SEC22C: variants seen among roughly 807,000 people sequenced by gnomAD.
SEC22C encodes the protein SEC22 homolog C, vesicle trafficking protein, also known as vesicle-trafficking protein SEC22c.
Under a neutral mutation model 34.7 loss-of-function variants are expected in SEC22C, and 29 were observed. That is an observed-to-expected ratio of 0.84 (90% CI 0.62 to 1.14). The LOEUF (loss-of-function observed/expected upper bound fraction) is 1.14. SEC22C is among the 50% of genes most tolerant of loss of function. SEC22C has a pLI of 0.00. For missense variants in SEC22C, 337 were observed against 369.0 expected, an observed-to-expected ratio of 0.91 and a Z score of 0.71; for synonymous variants, 117 against 132.8, an observed-to-expected ratio of 0.88 and a Z score of 0.82.
upstream of SEC22C, among the ~76,000 whole-genome samples, chr3:42,585,854 T>C (rs1409272481): frequency 1.3e-5 from 2 of 152,146 alleles, no homozygotes; most frequent in Non-Finnish European, 2.9e-5. Context: ...TCAGCGCTCC[T>C]ATTTGCCAAG....
intron 1 of SEC22C, among the ~76,000 whole-genome samples, chr3:42,590,463 T>C (rs1704780807): frequency 6.6e-6 from 1 of 152,002 alleles, no homozygotes. Flanking sequence ...ACCCCGTCTC[T>C]ACTAATACAA....
chr3:42,590,353 C>T (rs746514809), intron 1 of SEC22C, among the ~76,000 whole-genome samples: 1 of 152,142 alleles, frequency 6.6e-6, no homozygotes, highest in Non-Finnish European at 1.5e-5. Context: ...GCAAACCGCT[C>T]CTGCAGATAG....
intron 1 of SEC22C, chr3:42,600,790 G>A (rs1705309608): frequency 7.8e-6 from 3 of 382,240 alleles, no homozygotes; most frequent in Admixed American, 9.4e-5. Context: ...TGAAGAGCTC[G>A]CCCGCATGCG....
intron 5 of SEC22C, among the ~76,000 whole-genome samples, chr3:42,556,398 T>C (rs774072973): frequency 2.0e-5 from 3 of 152,260 alleles, no homozygotes; most frequent in African/African-American, 7.2e-5. Flanking sequence ...CTTAACCATC[T>C]TGCTGGCCAG....
At position 42,577,312 on chromosome 3, in the gene SEC22C, A is replaced by C. The variant is rs571074117; in HGVS notation, c.-28+4534T>G. Among the ~76,000 whole-genome samples the C allele has an allele frequency of 7.2e-5, 11 of 152,286 alleles. 1 individual carries two copies. In the South Asian group the frequency reaches 2.1e-3, roughly 29 times the overall value. ...TGCTTCTCTAGGAAAGCCCATGTGA[A>C]GAGGATGAAAAGACAAGCTAGAAAT... On this transcript the variant is annotated intron_variant, in intron 1 of 6. Coordinates refer to ENST00000264454, the MANE Select transcript of SEC22C (RefSeq NM_032970.4).
At chr3:42,562,214 G>A (rs983122655) in intron 3 of SEC22C, among the ~76,000 whole-genome samples, 1 of 152,132 alleles carries the variant, frequency 6.6e-6, no homozygotes, top group Non-Finnish European at 1.5e-5. Context: ...ACTCAACAAT[G>A]AGCAAACATG....
chr3:42,564,079 T>C (rs1703090213), intron 2 of SEC22C: 3 of 496,680 alleles, frequency 6.0e-6, no homozygotes, highest in Non-Finnish European at 9.6e-6. Context: ...GGATCTAAGT[T>C]CCTACATATT....
chr3:42,556,847 C>T (rs1702559950), intron 5 of SEC22C, among the ~76,000 whole-genome samples: 1 of 152,148 alleles, frequency 6.6e-6, no homozygotes, highest in African/African-American at 2.4e-5. Flanking sequence ...CCTCAGCCTC[C>T]TGAGTAGCTG....
intron 4 of SEC22C, among the ~76,000 whole-genome samples, chr3:42,558,599 C>A (rs1054870316): frequency 6.6e-6 from 1 of 151,198 alleles, no homozygotes; most frequent in South Asian, 2.1e-4. Flanking sequence ...CCAGCCTGGG[C>A]AACATGGTGA....
chr3:42,578,539 T>TACACACACACACAC (rs66708395), intron 1 of SEC22C, among the ~76,000 whole-genome samples: 5 of 146,672 alleles, frequency 3.4e-5, no homozygotes, highest in African/African-American at 1.3e-4. Context: ...GTGACAGTAC[T>TACACACACACACAC]ACACACACAC....
chr3:42,591,722 A>G (rs1467869876), intron 1 of SEC22C: 1 of 727,112 alleles, frequency 1.4e-6, no homozygotes, highest in East Asian at 2.6e-5. Context: ...CTTTGAACTG[A>G]GGAAAGAGAG....
intron 1 of SEC22C, among the ~76,000 whole-genome samples, chr3:42,590,032 G>C (rs529096517): frequency 6.6e-6 from 1 of 152,228 alleles, no homozygotes; most frequent in Admixed American, 6.5e-5. Flanking sequence ...GGAACCTTGG[G>C]CAAGTTACTT....
intron 4 of SEC22C, 32 bp from the exon 5 acceptor site, chr3:42,557,728 G>C: frequency 8.9e-7 from 1 of 1,126,278 alleles, no homozygotes; most frequent in South Asian, 1.3e-5. Context: ...AGTGTCTAGT[G>C]TAAGTAATTT....
chr3:42,564,716 T>C (rs1703128767), intron 2 of SEC22C, among the ~76,000 whole-genome samples: 1 of 152,210 alleles, frequency 6.6e-6, no homozygotes, highest in Admixed American at 6.5e-5. Context: ...ACCATTCCAT[T>C]AGGTTGTGGC....
At chr3:42,593,005 C>T (rs1290565942) in intron 1 of SEC22C, among the ~76,000 whole-genome samples, 1 of 151,698 alleles carries the variant, frequency 6.6e-6, no homozygotes, top group African/African-American at 2.4e-5. Context: ...TTGGGGAGCA[C>T]AAAACAATGA....
intron 1 of SEC22C, among the ~76,000 whole-genome samples, chr3:42,578,322 T>G (rs928304389): frequency 6.6e-6 from 1 of 152,166 alleles, no homozygotes; most frequent in Non-Finnish European, 1.5e-5. Context: ...TATCAAAAGG[T>G]TATATACAAT....
intron 1 of SEC22C, chr3:42,590,929 G>A (rs770333438): frequency 6.2e-7 from 1 of 1,613,476 alleles, no homozygotes; most frequent in South Asian, 1.1e-5. Context: ...GACTGGCTGA[G>A]GGGCAAGGCG....
intron 1 of SEC22C, among the ~76,000 whole-genome samples, chr3:42,571,293 A>C (rs889513372): frequency 2.4e-4 from 36 of 152,154 alleles, no homozygotes; most frequent in African/African-American, 8.5e-4. Context: ...GCTTTTCCTC[A>C]AATATTAGTA....
chr3:42,593,860 A>T (rs969730559), intron 1 of SEC22C, among the ~76,000 whole-genome samples: 1 of 152,210 alleles, frequency 6.6e-6, no homozygotes, highest in Non-Finnish European at 1.5e-5. Context: ...TAGTGAGATA[A>T]GTAAGACAGA....
Sources: allele counts gnomAD v4.1 joint callset (sites outside exome capture counted in the v4.1 genomes callset), GRCh38; gene constraint gnomAD v4.1.1; transcripts MANE v1.5; gene names NCBI Gene and HGNC (gene_info 2026-07-23, HGNC 2026-07-21).